SND1: variants seen among roughly 807,000 people sequenced by gnomAD.
SND1 encodes staphylococcal nuclease domain-containing protein 1.
A neutral mutation model predicts 121.7 loss-of-function variants in SND1; 38 were observed. The observed-to-expected ratio is 0.31, with a 90% CI of 0.24 to 0.41. The LOEUF is 0.41. Among genes scored for constraint, SND1 ranks in the 10% least tolerant of loss-of-function variants. The probability of loss-of-function intolerance (pLI) is 1.00; values close to 1 mark genes in which losing one functional copy is unlikely to be tolerated. For missense variants in SND1, 868 were observed against 1,184.6 expected, an observed-to-expected ratio of 0.73 and a Z score of 3.92; for synonymous variants, 401 against 447.4, an observed-to-expected ratio of 0.90 and a Z score of 1.31.
rs147467139 is a variant in SND1, at chr7:128,059,661, G to A, written c.1780-14841G>A. On this transcript the variant is annotated intron_variant, in intron 16 of 23. Transcript: ENST00000354725. ...CTGGAGATGCAGTGCTGAACCACAA[G>A]CATCCTTCCTTGCAGTGTACATTGT... Among the ~76,000 whole-genome samples the A allele has an allele frequency of 6.6e-3, 1,009 of 152,318 alleles. 15 individuals carry two copies. The highest frequency in any genetic ancestry group is 0.046 in the South Asian group (224 of 4,826).
chr7:127,780,467 A>G (rs973067582), intron 10 of SND1, among the ~76,000 whole-genome samples: 11 of 152,230 alleles, frequency 7.2e-5, no homozygotes, highest in Admixed American at 4.6e-4. Flanking sequence ...GATATTACAG[A>G]TAATGTATGA....
At chr7:127,976,044 T>A (rs1165012499) in intron 15 of SND1, among the ~76,000 whole-genome samples, 1 of 152,228 alleles carries the variant, frequency 6.6e-6, no homozygotes, top group Non-Finnish European at 1.5e-5. Context: ...CCTGTTCTCC[T>A]TTCCTCTCTT....
At chr7:127,974,247 C>T (rs1213660223) in intron 15 of SND1, among the ~76,000 whole-genome samples, 2 of 152,200 alleles carry the variant, frequency 1.3e-5, no homozygotes, top group East Asian at 3.8e-4. Flanking sequence ...AGCATCTCAG[C>T]TAGAATATTG....
At chr7:127,749,803 G>A (rs370562539) in intron 10 of SND1, among the ~76,000 whole-genome samples, 1 of 152,206 alleles carries the variant, frequency 6.6e-6, no homozygotes, top group South Asian at 2.1e-4. Flanking sequence ...CTCCAGTTGG[G>A]AACCTTCAGA....
At chr7:127,823,248 TCCAG>T (rs1339469577) in intron 11 of SND1, among the ~76,000 whole-genome samples, 5 of 152,168 alleles carry the variant, frequency 3.3e-5, no homozygotes, top group Admixed American at 6.5e-5. Context: ...TCAAAACCAG[TCCAG>T]CAAGATTACA....
chr7:128,071,656 G>A (rs765673673), intron 16 of SND1, among the ~76,000 whole-genome samples: 26 of 152,198 alleles, frequency 1.7e-4, no homozygotes, highest in African/African-American at 5.8e-4. Flanking sequence ...TTCAAGAAGC[G>A]TCACACCGAA....
At chr7:127,704,741 G>C (rs148038205) in intron 7 of SND1, 98 bp from the exon 8 acceptor site, 1 of 1,001,764 alleles carries the variant, frequency 1.0e-6, no homozygotes, top group African/African-American at 1.6e-5. Context: ...CTGCAGACTA[G>C]TTTGTGACTG....
chr7:127,665,189 ATT>A (rs35105011), intron 1 of SND1, among the ~76,000 whole-genome samples: 10 of 141,804 alleles, frequency 7.1e-5, no homozygotes, highest in Non-Finnish European at 6.2e-5. Context: ...GACAGTCAAC[ATT>A]TTTTTTTTTT....
At chr7:127,804,790 A>C (rs968627243) in intron 10 of SND1, among the ~76,000 whole-genome samples, 1 of 152,118 alleles carries the variant, frequency 6.6e-6, no homozygotes, top group African/African-American at 2.4e-5. Flanking sequence ...GTTCTGAGGC[A>C]AATCATAAGG....
At chr7:127,839,839 C>T (rs1437907767) in intron 11 of SND1, among the ~76,000 whole-genome samples, 9 of 152,072 alleles carry the variant, frequency 5.9e-5, no homozygotes, top group Admixed American at 5.2e-4. Context: ...TGGTTGTTTG[C>T]GCTAGAGCTT....
chr7:127,708,833 A>G (rs964518600), intron 9 of SND1, among the ~76,000 whole-genome samples: 1 of 152,184 alleles, frequency 6.6e-6, no homozygotes, highest in African/African-American at 2.4e-5. Context: ...TATGGGCTAA[A>G]AGTGGTTAAG....
At chr7:128,039,568 C>G (rs943553745) in intron 16 of SND1, among the ~76,000 whole-genome samples, 2 of 152,078 alleles carry the variant, frequency 1.3e-5, no homozygotes, top group Non-Finnish European at 2.9e-5. Context: ...TTTAGAATTC[C>G]TAGCCCCTTG....
intron 16 of SND1, among the ~76,000 whole-genome samples, chr7:127,994,352 G>A (rs1171112103): frequency 6.6e-6 from 1 of 151,772 alleles, no homozygotes; most frequent in East Asian, 1.9e-4. Context: ...TTAGCCATTG[G>A]TTCCTGTTGG....
At chr7:127,952,423 A>G (rs1801481754) in intron 15 of SND1, among the ~76,000 whole-genome samples, 1 of 152,236 alleles carries the variant, frequency 6.6e-6, no homozygotes, top group South Asian at 2.1e-4. Context: ...AGGGCAGGCA[A>G]CAACCACAGA....
intron 16 of SND1, among the ~76,000 whole-genome samples, chr7:127,991,709 C>T (rs1353574289): frequency 6.6e-6 from 1 of 152,116 alleles, no homozygotes; most frequent in Non-Finnish European, 1.5e-5. Flanking sequence ...CCATTGTCCC[C>T]ATTTCTTTTA....
rs189707607 is a variant in SND1 at position 127,755,871 on chromosome 7, A to G, written c.1152+34471A>G. Among the ~76,000 whole-genome samples, 91 of 152,380 alleles carry G rather than the reference A, an allele frequency of 6.0e-4. No homozygotes were observed. The Middle Eastern group carries it at 0.024, about 40-fold the overall frequency. On this transcript the variant is annotated intron_variant, in intron 10 of 23. Coordinates refer to ENST00000354725, the MANE Select transcript of SND1 (RefSeq NM_014390.4). ...GCTGCTAATGGGATTGCAGTGCTAT[A>G]TGAATGTAGGAGTATTATACGCAAA... is the stretch of plus-strand genomic sequence containing the variant.
chr7:128,080,097 T>A (rs999597597), intron 17 of SND1, among the ~76,000 whole-genome samples: 5 of 152,360 alleles, frequency 3.3e-5, no homozygotes, highest in South Asian at 4.1e-4. Context: ...ATTTGGAGAA[T>A]GTTTAGAATG....
chr7:128,089,024 A>G (rs1248189569), intron 21 of SND1, among the ~76,000 whole-genome samples: 2 of 152,076 alleles, frequency 1.3e-5, no homozygotes, highest in African/African-American at 4.8e-5. Flanking sequence ...TTTCTGCCTC[A>G]CTAGGGTTCT....
chr7:127,707,171 C>T (rs188723466), intron 8 of SND1, among the ~76,000 whole-genome samples: 329 of 152,150 alleles, frequency 2.2e-3, no homozygotes, highest in African/African-American at 6.5e-3. Flanking sequence ...AGCTGGTAAC[C>T]TTTTTGTAAT....
Sources: allele counts gnomAD v4.1 joint callset (sites outside exome capture counted in the v4.1 genomes callset), GRCh38; gene constraint gnomAD v4.1.1; transcripts MANE v1.5; gene names NCBI Gene and HGNC (gene_info 2026-07-23, HGNC 2026-07-21).